LPGAT1: variants seen among roughly 807,000 people sequenced by gnomAD.
The protein encoded by LPGAT1 is acyl-CoA:lysophosphatidylglycerol acyltransferase 1.
LPGAT1 carries 11 observed loss-of-function variants against 47.5 expected under a neutral mutation model. The observed-to-expected ratio is 0.23, with a 90% CI of 0.15 to 0.38. The LOEUF is 0.38. LPGAT1 is among the 10% of genes least tolerant of loss of function. LPGAT1 has a pLI of 1.00. For synonymous variants in LPGAT1, 138 were observed against 144.2 expected, an observed-to-expected ratio of 0.96 and a Z score of 0.31; for missense variants, 293 against 439.0, an observed-to-expected ratio of 0.67 and a Z score of 2.97.
At chr1:211,826,864 G>A (rs1660559882) in intron 2 of LPGAT1, among the ~76,000 whole-genome samples, 2 of 152,118 alleles carry the variant, frequency 1.3e-5, no homozygotes, top group Admixed American at 6.5e-5. Context: ...TGAAACTTGG[G>A]CATAGGGAAA....
At position 211,766,074 on chromosome 1, in the gene LPGAT1, C is replaced by T. The variant is rs565661101; in HGVS notation, c.854+12844G>A. Among the ~76,000 whole-genome samples, 3 of 152,276 alleles carry T rather than the reference C, an allele frequency of 2.0e-5. No individual in the cohort carries two copies. In the South Asian group the frequency reaches 6.2e-4, roughly 32 times the overall value. ...CCTTCAACATCAGTGCTCCTGGTTC[C>T]TGGGCTTTCAGACTGAGACTGGGAC... On this transcript the variant is annotated intron_variant, in intron 6 of 7. Coordinates refer to ENST00000366997, the MANE Select transcript of LPGAT1 (RefSeq NM_014873.3).
intron 2 of LPGAT1, among the ~76,000 whole-genome samples, chr1:211,805,394 G>A (rs77725220): frequency 1.5e-3 from 227 of 152,154 alleles, no homozygotes; most frequent in Non-Finnish European, 2.4e-3. Flanking sequence ...TATTGAATAC[G>A]GTACTAAAAG....
At chr1:211,805,029 A>T (rs975922084) in intron 2 of LPGAT1, among the ~76,000 whole-genome samples, 1 of 152,164 alleles carries the variant, frequency 6.6e-6, no homozygotes, top group Non-Finnish European at 1.5e-5. Flanking sequence ...GGATGTAAAT[A>T]AGTTCCAGAT....
intron 2 of LPGAT1, among the ~76,000 whole-genome samples, chr1:211,811,846 ACT>A (rs980371724): frequency 1.1e-4 from 16 of 151,804 alleles, no homozygotes; most frequent in Non-Finnish European, 2.4e-4. Context: ...ACAGAGTGAG[ACT>A]CTGCCTAAAA....
chr1:211,788,365 ACTTT>A (rs1658971771), intron 3 of LPGAT1, among the ~76,000 whole-genome samples: 2 of 152,146 alleles, frequency 1.3e-5, no homozygotes, highest in Non-Finnish European at 2.9e-5. Flanking sequence ...AGGGCAGAAG[ACTTT>A]CTTTCACGCA....
chr1:211,781,808 G>C (rs11119811), intron 5 of LPGAT1, among the ~76,000 whole-genome samples: 1 of 152,058 alleles, frequency 6.6e-6, no homozygotes, highest in Non-Finnish European at 1.5e-5. Flanking sequence ...ATCTTAGATA[G>C]CTTGTTCAAA....
chr1:211,777,721 T>C (rs1401937899), intron 6 of LPGAT1, among the ~76,000 whole-genome samples: 1 of 152,178 alleles, frequency 6.6e-6, no homozygotes, highest in East Asian at 1.9e-4. Context: ...TAAAAACAAA[T>C]TCAATTTCTA....
At chr1:211,829,868 CCT>C (rs1491290511) in intron 1 of LPGAT1, 2 of 955,328 alleles carry the variant, frequency 2.1e-6, no homozygotes, top group Admixed American at 1.6e-4. Flanking sequence ...TTTTTGTTTC[CCT>C]TTTTTTTTTA....
chr1:211,779,717 T>C (rs1359811445), intron 5 of LPGAT1, among the ~76,000 whole-genome samples: 1 of 152,014 alleles, frequency 6.6e-6, no homozygotes, highest in East Asian at 1.9e-4. Flanking sequence ...CCGGGTATGG[T>C]GGTGCATGCC....
intron 2 of LPGAT1, among the ~76,000 whole-genome samples, chr1:211,824,004 T>G (rs1331748128): frequency 6.6e-6 from 1 of 151,988 alleles, no homozygotes; most frequent in Non-Finnish European, 1.5e-5. Flanking sequence ...AAACATGATG[T>G]GATTCAAGGT....
chr1:211,798,472 G>A (rs1659437872), intron 2 of LPGAT1, among the ~76,000 whole-genome samples: 2 of 152,050 alleles, frequency 1.3e-5, no homozygotes, highest in South Asian at 2.1e-4. Context: ...ACCCCTTGAG[G>A]CCAGGAGTTC....
intron 2 of LPGAT1, among the ~76,000 whole-genome samples, chr1:211,795,309 T>C (rs981198162): frequency 6.6e-6 from 1 of 152,256 alleles, no homozygotes; most frequent in East Asian, 1.9e-4. Context: ...ATACTTTAAG[T>C]AATAAAAGCA....
At chr1:211,823,021 G>C (rs1168868491) in intron 2 of LPGAT1, among the ~76,000 whole-genome samples, 2 of 152,176 alleles carry the variant, frequency 1.3e-5, no homozygotes, top group Admixed American at 6.5e-5. Flanking sequence ...AGATGTTAAA[G>C]AGTTGCATCT....
chr1:211,811,398 GGAAGGAAT>G (rs1232518380), intron 2 of LPGAT1, among the ~76,000 whole-genome samples: 4 of 152,192 alleles, frequency 2.6e-5, no homozygotes, highest in Non-Finnish European at 5.9e-5. Flanking sequence ...CGGGTCAGAG[GGAAGGAAT>G]GAAGAGCTGT....
chr1:211,818,559 C>T (rs943225766), intron 2 of LPGAT1, among the ~76,000 whole-genome samples: 28 of 152,152 alleles, frequency 1.8e-4, no homozygotes, highest in Admixed American at 7.2e-4. Flanking sequence ...CTGAATATGG[C>T]CACTAATTTG....
Position 211,749,746 on chromosome 1 carries a change from T to A in LPGAT1, c.*153A>T. On this transcript the variant is annotated 3_prime_UTR_variant, in exon 8 of 8. Transcript: ENST00000366997. ...TACTAATCCTCATTTTAGTAGATTTTAAAATATCCCAAAGGGGGATAAATA... is the reference window on the plus strand; with the variant it reads ...TACTAATCCTCATTTTAGTAGATTTAAAAATATCCCAAAGGGGGATAAATA... 1.3e-6 allele frequency: 1 copy of A among 774,152 alleles called. No homozygotes were observed. Among genetic ancestry groups the A allele is most frequent in the East Asian group, 2.6e-5 (1 of 39,120 alleles). The allele number at this position is 774,152 out of a possible 1,614,324, so 48.0% of individuals were successfully genotyped here. A position where few individuals can be genotyped will look rare whatever the true frequency, so the allele number is the denominator to read the frequency against.
rs1288516474 is a variant in LPGAT1 at position 211,747,452 on chromosome 1, A to G, written c.*2447T>C. On this transcript the variant is annotated 3_prime_UTR_variant, in exon 8 of 8. Transcript: ENST00000366997. ...CTTGAAAAGTAAAGCATCTTATAGAATAGTTTAATGTGTACAGTATATTTA... is the reference window on the plus strand; with the variant it reads ...CTTGAAAAGTAAAGCATCTTATAGAGTAGTTTAATGTGTACAGTATATTTA... 6.6e-6 allele frequency: 1 copy of G among 152,204 alleles called. No homozygotes were observed. The highest frequency in any genetic ancestry group is 1.5e-5 in the Non-Finnish European group (1 of 68,034). The allele number at this position is 152,204 out of a possible 1,614,324, so 9.4% of individuals were successfully genotyped here.
chr1:211,828,957 G>T, intron 2 of LPGAT1, 102 bp downstream of exon 2: 1 of 1,131,562 alleles, frequency 8.8e-7, no homozygotes, highest in South Asian at 1.5e-5. Context: ...TTTCAATAGT[G>T]AAGACATGAA....
In LPGAT1 at chr1:211,748,409, GC is replaced by G. The variant is rs1168009616; in HGVS notation, c.*1489del. On this transcript the variant is annotated 3_prime_UTR_variant, in exon 8 of 8. Transcript: ENST00000366997. ...CTCTTCAAAAGCAACTGGAGGCCGG[GC>G]GTGGTGGCTCACGCCTGCAATCCCA... 7 of 152,262 alleles carry G rather than the reference GC, an allele frequency of 4.6e-5. No homozygotes were observed. Among genetic ancestry groups the G allele is most frequent in the African/African-American group, 1.7e-4 (7 of 41,460 alleles). The allele number at this position is 152,262 out of a possible 1,614,324, so 9.4% of individuals were successfully genotyped here. A position where few individuals can be genotyped will look rare whatever the true frequency, so the allele number is the denominator to read the frequency against.
Sources: allele counts gnomAD v4.1 joint callset (sites outside exome capture counted in the v4.1 genomes callset), GRCh38; gene constraint gnomAD v4.1.1; transcripts MANE v1.5; gene names NCBI Gene and HGNC (gene_info 2026-07-23, HGNC 2026-07-21).